Variants in ITGA9 observed in about 807,000 individuals in gnomAD.
ITGA9 encodes integrin subunit alpha 9, also known as integrin alpha-9.
A neutral mutation model predicts 127.8 loss-of-function variants in ITGA9; 56 were observed. The observed-to-expected ratio is 0.44, with a 90% CI of 0.35 to 0.55. The LOEUF (loss-of-function observed/expected upper bound fraction) is 0.55. Among genes scored for constraint, ITGA9 ranks in the 20% least tolerant of loss-of-function variants. The pLI is 0.00. For synonymous variants in ITGA9, 508 were observed against 514.5 expected (o/e 0.99, Z 0.17); for missense variants, 1,196 against 1,347.1 (o/e 0.89, Z 1.76).
At chr3:37,768,717 C>T (rs959899889) in intron 23 of ITGA9, among the ~76,000 whole-genome samples, 1 of 151,628 alleles carries the variant, frequency 6.6e-6, no homozygotes, top group Non-Finnish European at 1.5e-5. Flanking sequence ...ACATGTTATT[C>T]TAAAATGAAC....
At chr3:37,470,044 A>T (rs562296252) in intron 1 of ITGA9, among the ~76,000 whole-genome samples, 5 of 150,576 alleles carry the variant, frequency 3.3e-5, no homozygotes, top group Non-Finnish European at 7.4e-5. Context: ...CAGTCTGCCC[A>T]CCTCGGCCTC....
rs560831792 is a variant in ITGA9 at position 37,488,811 on chromosome 3, AT to A, written c.545-5689del. Among the ~76,000 whole-genome samples the A allele has an allele frequency of 3.1e-4, 47 of 152,132 alleles. 1 individual carries two copies. Among genetic ancestry groups the A allele is most frequent in the Non-Finnish European group, 1.9e-4 (13 of 67,984 alleles). On this transcript the variant is annotated intron_variant, in intron 4 of 27. Transcript: ENST00000264741. ...AGACTCTGTCTCAAAAAAAAAAAAA[AT>A]ATTGTAAAAAATAAATAACATAAAA...
chr3:37,628,359 A>G (rs1700197500), intron 15 of ITGA9, among the ~76,000 whole-genome samples: 1 of 152,144 alleles, frequency 6.6e-6, no homozygotes. Context: ...TGGGGGCCAG[A>G]GTCCCCAGGA....
chr3:37,642,963 C>A (rs889462158), intron 16 of ITGA9, among the ~76,000 whole-genome samples: 1 of 152,206 alleles, frequency 6.6e-6, no homozygotes, highest in Non-Finnish European at 1.5e-5. Context: ...CCATTATTTA[C>A]AGCTCTAAGG....
chr3:37,512,019 T>TTTC (rs1553643155), intron 8 of ITGA9, among the ~76,000 whole-genome samples: 429 of 22,204 alleles, frequency 0.019, 28 homozygotes, highest in Admixed American at 0.042. Flanking sequence ...TTTTCTTTTC[T>TTTC]TTTCTTTTCT....
intron 23 of ITGA9, among the ~76,000 whole-genome samples, chr3:37,758,882 C>T (rs549860567): frequency 6.6e-6 from 1 of 152,056 alleles, no homozygotes; most frequent in Non-Finnish European, 1.5e-5. Flanking sequence ...ACTGCCTGAT[C>T]TTCAAATGCT....
At chr3:37,726,992 C>T (rs1264736428) in intron 18 of ITGA9, among the ~76,000 whole-genome samples, 4 of 152,188 alleles carry the variant, frequency 2.6e-5, no homozygotes, top group Non-Finnish European at 5.9e-5. Flanking sequence ...ATACACTCAG[C>T]CTACGAAACA....
At chr3:37,582,436 G>A (rs1366684805) in intron 15 of ITGA9, among the ~76,000 whole-genome samples, 2 of 152,180 alleles carry the variant, frequency 1.3e-5, no homozygotes, top group Non-Finnish European at 2.9e-5. Flanking sequence ...GAGGAAGATG[G>A]CTAAATGTAT....
At chr3:37,631,098 C>T (rs962167339) in intron 16 of ITGA9, among the ~76,000 whole-genome samples, 6 of 152,164 alleles carry the variant, frequency 3.9e-5, no homozygotes, top group Non-Finnish European at 7.4e-5. Context: ...TAGAATTATT[C>T]TGCTTTCTAA....
chr3:37,595,944 G>T (rs2125617818), intron 15 of ITGA9, among the ~76,000 whole-genome samples: 1 of 152,276 alleles, frequency 6.6e-6, no homozygotes. Context: ...GTTGGAAATG[G>T]TTTCTTCATT....
chr3:37,475,108 G>A (rs1054503686), intron 3 of ITGA9, among the ~76,000 whole-genome samples: 2 of 152,186 alleles, frequency 1.3e-5, no homozygotes, highest in African/African-American at 4.8e-5. Flanking sequence ...GGCTGGCCCT[G>A]GACCCTCTCC....
rs1349833772 is a variant in ITGA9 at position 37,466,914 on chromosome 3, G to A, written c.186-4093G>A. Among the ~76,000 whole-genome samples, 4 of 152,200 alleles carry A rather than the reference G, an allele frequency of 2.6e-5. No homozygotes were observed. The East Asian group carries it at 5.8e-4, about 22-fold the overall frequency. On this transcript the variant is annotated intron_variant, in intron 1 of 27. Coordinates refer to ENST00000264741, the MANE Select transcript of ITGA9 (RefSeq NM_002207.3). The stretch of plus-strand genomic sequence containing the variant: ...TTGAGAGTACCAGGAGAGTTGGGGC[G>A]ATGTTTGAAGTGGCTAGGATGTCTT...
intron 5 of ITGA9, among the ~76,000 whole-genome samples, chr3:37,494,895 T>C (rs1029157380): frequency 6.6e-6 from 1 of 152,184 alleles, no homozygotes; most frequent in African/African-American, 2.4e-5. Flanking sequence ...TCAGTCAGGT[T>C]GTGCCCCATC....
chr3:37,584,220 G>C (rs548987556), intron 15 of ITGA9, among the ~76,000 whole-genome samples: 1 of 152,288 alleles, frequency 6.6e-6, no homozygotes, highest in Non-Finnish European at 1.5e-5. Context: ...GAACCAGTTG[G>C]CTACTGGGGC....
chr3:37,589,681 C>T (rs1699793888), intron 15 of ITGA9, among the ~76,000 whole-genome samples: 2 of 152,072 alleles, frequency 1.3e-5, no homozygotes, highest in African/African-American at 2.4e-5. Flanking sequence ...TTCCAGGCAG[C>T]GGAAACAGCC....
chr3:37,456,016 T>C (rs1698253577), intron 1 of ITGA9, among the ~76,000 whole-genome samples: 1 of 152,190 alleles, frequency 6.6e-6, no homozygotes, highest in South Asian at 2.1e-4. Flanking sequence ...CCTAGATCCC[T>C]GTGTAAGTGT....
At chr3:37,486,839 A>T (rs138402707) in intron 4 of ITGA9, among the ~76,000 whole-genome samples, 11 of 152,342 alleles carry the variant, frequency 7.2e-5, no homozygotes, top group African/African-American at 2.6e-4. Context: ...TAAAATTGTG[A>T]TGGAAAAACT....
rs772833938 is a variant in ITGA9, at chr3:37,818,927, G to A, written c.3046G>A (p.Glu1016Lys). The A allele has an allele frequency of 1.3e-5, 21 of 1,614,142 alleles. No individual in the cohort carries two copies. The highest frequency in any genetic ancestry group is 4.0e-5 in the African/African-American group (3 of 75,028). ...TCGCCGAAGGTACAAAGAAATTATC[G>A]AAGCTGAGAAGAACCGGAAAGAGAA... ...FFRRRYKEII[E>K]AEKNRKENED... The change falls in exon 28 of 28, where the codon GAA becomes AAA. Residue 1016 changes from glutamate (E) to lysine (K), a missense_variant. Physicochemically the swap from Glu to Lys is moderately conservative, Grantham distance 56 (BLOSUM62 1). Transcript: ENST00000264741.
At chr3:37,592,825 G>C (rs1699833725) in intron 15 of ITGA9, among the ~76,000 whole-genome samples, 1 of 152,186 alleles carries the variant, frequency 6.6e-6, no homozygotes, top group South Asian at 2.1e-4. Context: ...GCCCAGCAGG[G>C]GTGGGTGCTG....
Sources: gnomAD v4.1 joint callset for allele counts (sites outside exome capture counted in the v4.1 genomes callset) on GRCh38, gnomAD v4.1.1 for gene constraint, MANE v1.5 for transcripts, NCBI Gene and HGNC (gene_info 2026-07-23, HGNC 2026-07-21) for gene names.